MSH3: variants seen among roughly 807,000 people sequenced by gnomAD.
The protein encoded by MSH3 is DNA mismatch repair protein Msh3.
MSH3 carries 106 observed loss-of-function variants against 123.3 expected under a neutral mutation model. The observed-to-expected ratio is 0.86, with a 90% CI of 0.73 to 1.01. The LOEUF (loss-of-function observed/expected upper bound fraction) is 1.01. Ranked by LOEUF, MSH3 falls within the 50% of genes least tolerant of loss-of-function variation. The pLI, the probability that MSH3 is intolerant of heterozygous loss-of-function variation, is 0.00. For missense variants in MSH3, 1,459 were observed against 1,347.6 expected, an observed-to-expected ratio of 1.08 and a Z score of -1.29; for synonymous variants, 515 against 481.4, an observed-to-expected ratio of 1.07 and a Z score of -0.91.
At chr5:80,844,878 T>A (rs1357308698) in intron 20 of MSH3, among the ~76,000 whole-genome samples, 2 of 152,238 alleles carry the variant, frequency 1.3e-5, no homozygotes, top group African/African-American at 2.4e-5. Flanking sequence ...TGTCTTTTAA[T>A]TGTGGCATTT....
At chr5:80,781,513 G>A (rs558679037) in intron 17 of MSH3, among the ~76,000 whole-genome samples, 5 of 150,194 alleles carry the variant, frequency 3.3e-5, no homozygotes, top group Non-Finnish European at 7.4e-5. Flanking sequence ...TGCCACCCAG[G>A]CTGGAGTGCA....
chr5:80,774,057 C>T (rs1380449357), intron 15 of MSH3, among the ~76,000 whole-genome samples: 2 of 152,076 alleles, frequency 1.3e-5, no homozygotes, highest in Admixed American at 6.5e-5. Context: ...TGTGAGCCAT[C>T]GCGCCCGGCC....
intron 20 of MSH3, among the ~76,000 whole-genome samples, chr5:80,841,586 T>C (rs1745626449): frequency 1.3e-5 from 2 of 152,244 alleles, no homozygotes; most frequent in Admixed American, 1.3e-4. Context: ...GTCTTCTTAA[T>C]GATCATTGTT....
chr5:80,664,198 G>A (rs1332179195), intron 2 of MSH3, among the ~76,000 whole-genome samples: 1 of 152,212 alleles, frequency 6.6e-6, no homozygotes, highest in Non-Finnish European at 1.5e-5. Flanking sequence ...GTGAAAATTA[G>A]CAGAAGGTTT....
chr5:80,767,830 A>G (rs1744147926), intron 13 of MSH3, 103 bp from the exon 14 acceptor site: 6 of 878,922 alleles, frequency 6.8e-6, no homozygotes, highest in Non-Finnish European at 7.2e-6. Context: ...TTAATAGAAA[A>G]TTTAAACTTT....
rs1436738851 is a variant in MSH3 at position 80,835,928 on chromosome 5, A to G, written c.2814-18202A>G. ...ACTGTCTCAAAAAAAAAAGAAAGAA[A>G]ATATTAATACTGTGGAGGTTATGTG... is the stretch of plus-strand genomic sequence containing the variant. On this transcript the variant is annotated intron_variant, in intron 20 of 23. Coordinates refer to ENST00000265081, the MANE Select transcript of MSH3 (RefSeq NM_002439.5). 4.6e-5 allele frequency among the ~76,000 whole-genome samples: 7 copies of G among 152,112 alleles called. No individual in the cohort carries two copies. In the East Asian group the frequency reaches 1.2e-3, roughly 25 times the overall value.
At chr5:80,720,959 A>G (rs1030959074) in intron 8 of MSH3, among the ~76,000 whole-genome samples, 10 of 152,200 alleles carry the variant, frequency 6.6e-5, no homozygotes, top group African/African-American at 2.2e-4. Context: ...TGTAACCACT[A>G]TCACAGTCGA....
chr5:80,781,572 A>G (rs1029336728), intron 17 of MSH3, among the ~76,000 whole-genome samples: 4 of 151,682 alleles, frequency 2.6e-5, no homozygotes, highest in East Asian at 1.9e-4. Context: ...AGCTCAAGCA[A>G]TCCTTCCACC....
At position 80,676,575 on chromosome 5, in the gene MSH3, A is replaced by G. The variant is rs562053705; in HGVS notation, c.1173+1447A>G. Among the ~76,000 whole-genome samples the G allele has an allele frequency of 4.6e-5, 7 of 152,270 alleles. No homozygotes were observed. The South Asian group carries it at 1.5e-3, about 32-fold the overall frequency. ...AATTCTTACCATCTGAATGTCTCCA[A>G]TGTGCCTTTTAATACCTTATTTTGA... On this transcript the variant is annotated intron_variant, in intron 7 of 23. Coordinates refer to ENST00000265081, the MANE Select transcript of MSH3 (RefSeq NM_002439.5).
chr5:80,654,905 G>GCAGCGCCCGCAGCGGCCGCAGCGC lies in MSH3; in HGVS notation c.179_180insAGCGCCCGCAGCGGCCGCAGCGCC (p.Ala61_Ala62insProAlaAlaAlaAlaAlaProAla). ...TGCAGCGGCTGCAGCGGCCGCAGCG[G>GCAGCGCCCGCAGCGGCCGCAGCGC]CCGCAGCGCCCCCAGCGCCCCCAGC... On this transcript the variant is annotated inframe_insertion, in exon 1 of 24. Transcript: ENST00000265081. 6.7e-7 allele frequency: 1 copy of GCAGCGCCCGCAGCGGCCGCAGCGC among 1,494,090 alleles called. No individual in the cohort carries two copies. The allele number at this position is 1,494,090 out of a possible 1,614,324, so 92.6% of individuals were successfully genotyped here.
intron 5 of MSH3, 109 bp downstream of exon 5, chr5:80,672,469 C>T (rs1749745647): frequency 1.2e-6 from 1 of 831,668 alleles, no homozygotes; most frequent in Non-Finnish European, 2.1e-6. Context: ...TAGAATTTTG[C>T]ATTTTACAGA....
intron 8 of MSH3, among the ~76,000 whole-genome samples, chr5:80,704,974 T>A (rs143985368): frequency 7.2e-5 from 11 of 152,298 alleles, no homozygotes; most frequent in Admixed American, 4.6e-4. Flanking sequence ...GGACTCTATT[T>A]TTCTTACTAC....
chr5:80,674,991 C>T lies in MSH3; in HGVS notation c.1036C>T (p.Pro346Ser), dbSNP rs1180808858. The change falls in exon 7 of 24, where the codon CCC becomes TCC. Residue 346 changes from proline to serine, a missense_variant. Transcript: ENST00000265081. ...TCTTTAATTATTATTAAATGTGAAT[C>T]CCCTAATCAAGCTGGATGATGCTGT... ...KSTLIGEDVNPLIKLDDAVNV... is the reference protein window; with the variant it reads ...KSTLIGEDVNSLIKLDDAVNV... 3 of 1,602,960 alleles carry T rather than the reference C, an allele frequency of 1.9e-6. No homozygotes were observed. The highest frequency in any genetic ancestry group is 1.1e-5 in the South Asian group (1 of 90,378).
chr5:80,828,147 T>C (rs1745353890), intron 20 of MSH3, among the ~76,000 whole-genome samples: 1 of 152,186 alleles, frequency 6.6e-6, no homozygotes, highest in South Asian at 2.1e-4. Flanking sequence ...TTCTGTAGAC[T>C]GGGAAGTCCG....
intron 8 of MSH3, among the ~76,000 whole-genome samples, chr5:80,688,950 T>G (rs1750164632): frequency 6.6e-6 from 1 of 152,156 alleles, no homozygotes. Context: ...AATATAATTC[T>G]TAGATATTTA....
At chr5:80,776,845 G>C (rs1744311470) in intron 16 of MSH3, among the ~76,000 whole-genome samples, 1 of 148,440 alleles carries the variant, frequency 6.7e-6, no homozygotes, top group Non-Finnish European at 1.5e-5. Context: ...GACATAATGT[G>C]TGAATGATTG....
In MSH3 at chr5:80,690,087, T is replaced by TA. The variant is rs1382104430; in HGVS notation, c.1340+11002dup. Among the ~76,000 whole-genome samples the TA allele has an allele frequency of 5.9e-5, 9 of 152,138 alleles. No homozygotes were observed. The East Asian group carries it at 1.5e-3, about 26-fold the overall frequency. On this transcript the variant is annotated intron_variant, in intron 8 of 23. Coordinates refer to ENST00000265081, the MANE Select transcript of MSH3 (RefSeq NM_002439.5). ...GCACCACCCCTTACAGCTAATTTTT[T>TA]AAAAAAAATTTTGTAGAGATGGGTT...
intron 8 of MSH3, among the ~76,000 whole-genome samples, chr5:80,717,042 T>G (rs1176270481): frequency 6.6e-6 from 1 of 152,160 alleles, no homozygotes; most frequent in African/African-American, 2.4e-5. Context: ...AGGGTTTCAT[T>G]TTTTGGGGGG....
chr5:80,791,601 G>T (rs900614187), intron 18 of MSH3, among the ~76,000 whole-genome samples: 1 of 151,676 alleles, frequency 6.6e-6, no homozygotes, highest in East Asian at 1.9e-4. Flanking sequence ...TTGTCATGAG[G>T]TTGATTTTTT....
Sources: allele counts gnomAD v4.1 joint callset (sites outside exome capture counted in the v4.1 genomes callset), GRCh38; gene constraint gnomAD v4.1.1; transcripts MANE v1.5; gene names NCBI Gene and HGNC (gene_info 2026-07-23, HGNC 2026-07-21).